The following MCMDC2 variants were observed in gnomAD, a reference collection of about 807,000 sequenced individuals.
The protein encoded by MCMDC2 is minichromosome maintenance domain containing 2.
In MCMDC2, 54 loss-of-function variants were observed where a neutral mutation model predicts 75.8. That is an observed-to-expected ratio of 0.71 (90% CI 0.57 to 0.89). The LOEUF (loss-of-function observed/expected upper bound fraction) is 0.89, where lower values mean the gene tolerates loss of function less well. MCMDC2 is among the 40% of genes least tolerant of loss of function. MCMDC2 has a pLI of 0.00. For synonymous variants in MCMDC2, 249 were observed against 274.6 expected, an observed-to-expected ratio of 0.91 and a Z score of 0.92; for missense variants, 656 against 780.4, an observed-to-expected ratio of 0.84 and a Z score of 1.90.
In MCMDC2 at chr8:66,897,060, T is replaced by C. The variant is rs754584066; in HGVS notation, c.1626+101T>C. ...CTGGATTTTCTTTATTTAGGATTCT[T>C]TTATTCCATCTTGGTTCCAGCTTTT... On this transcript the variant is annotated intron_variant, in intron 12 of 14. Coordinates refer to ENST00000422365, the MANE Select transcript of MCMDC2 (RefSeq NM_173518.5). The C allele has an allele frequency of 1.6e-3, 1,773 of 1,113,332 alleles. 2 individuals carry two copies. The highest frequency in any genetic ancestry group is 1.7e-3 in the Non-Finnish European group (1,319 of 788,046). The allele number at this position is 1,113,332 out of a possible 1,614,324, so 69.0% of individuals were successfully genotyped here. A position where few individuals can be genotyped will look rare whatever the true frequency, so the allele number is the denominator to read the frequency against.
At chr8:66,922,953 G>GTA (rs1813609735), downstream of MCMDC2, among the ~76,000 whole-genome samples, 1 of 152,116 alleles carries the variant, frequency 6.6e-6, no homozygotes, top group East Asian at 1.9e-4. Flanking sequence ...CTGTAACTGA[G>GTA]TATGTTTGTC....
At chr8:66,925,450 G>C (rs987861190), downstream of MCMDC2, 1 of 152,884 alleles carries the variant, frequency 6.5e-6, no homozygotes, top group African/African-American at 2.4e-5. Flanking sequence ...GCAGAGCCCA[G>C]CTACGGGCCC....
downstream of MCMDC2, among the ~76,000 whole-genome samples, chr8:66,923,557 T>C (rs1239066306): frequency 2.0e-5 from 3 of 152,182 alleles, no homozygotes; most frequent in Non-Finnish European, 4.4e-5. Flanking sequence ...ATATTATGAT[T>C]CACAGGAACT....
Position 66,890,978 on chromosome 8 carries a change from A to C in MCMDC2, c.1187A>C (p.Gln396Pro). The C allele has an allele frequency of 6.2e-7, 1 of 1,610,974 alleles. No individual in the cohort carries two copies. Among genetic ancestry groups the C allele is most frequent in the Non-Finnish European group, 8.5e-7 (1 of 1,179,374 alleles). The change falls in exon 10 of 15, where the codon CAG (glutamine) becomes CCG (proline). Residue 396 changes from glutamine to proline, a missense_variant. Transcript: ENST00000422365. ...TATGGAACTGGAGCAGTTAGCATTC[A>C]GGCTGGCAGTGCTTTGCTAGCTAAA... is the stretch of plus-strand genomic sequence containing the variant. ...NKYGTGAVSI[Q>P]AGSALLAKGG... is the part of the protein sequence containing the mutation.
chr8:66,881,083 G>C, intron 8 of MCMDC2, 109 bp downstream of exon 8: 1 of 877,950 alleles, frequency 1.1e-6, no homozygotes, highest in Non-Finnish European at 1.5e-6. Flanking sequence ...TAAGCACTAA[G>C]AATACAGTTG....
At position 66,874,551 on chromosome 8, in the gene MCMDC2, C is replaced by T; in HGVS notation, c.250C>T (p.Leu84Phe). Residue 84 changes from leucine (L) to phenylalanine (F), a missense_variant, in exon 4 of 15, where the codon CTC becomes TTC. Coordinates refer to ENST00000422365, the MANE Select transcript of MCMDC2 (RefSeq NM_173518.5). ...QSVCFIAVKT[L>F]SLIGQLQTET... ...GGTCTGTTTTATTGCTGTTAAGACT[C>T]TCTCATTAATTGGACAATTGCAGAC... is the stretch of plus-strand genomic sequence containing the variant. 1.2e-6 allele frequency: 2 copies of T among 1,613,238 alleles called. No homozygotes were observed. Among genetic ancestry groups the T allele is most frequent in the African/African-American group, 1.3e-5 (1 of 74,982 alleles).
In MCMDC2 at chr8:66,906,016, AAAAG is replaced by A. The variant is rs766077339; in HGVS notation, c.1879+693_1879+696del. On this transcript the variant is annotated intron_variant, in intron 14 of 14. Coordinates refer to ENST00000422365, the MANE Select transcript of MCMDC2 (RefSeq NM_173518.5). ...TGAGACTCCATCTCAAAAAAAAAAA[AAAAG>A]AAAGAAAGAAAAGAAAATCTGATTA... 5.9e-5 allele frequency among the ~76,000 whole-genome samples: 9 copies of A among 152,100 alleles called. No homozygotes were observed. The East Asian group carries it at 7.7e-4, about 13-fold the overall frequency.
Position 66,919,201 on chromosome 8 carries a change from T to G in MCMDC2, c.*32T>G. The stretch of plus-strand genomic sequence containing the variant: ...TGAGGAATTTTTGTTCATTCCTACT[T>G]AAGCAGTGGAGAAAAAGTGTGACTA... On this transcript the variant is annotated 3_prime_UTR_variant, in exon 15 of 15. Coordinates refer to ENST00000422365, the MANE Select transcript of MCMDC2 (RefSeq NM_173518.5). 6.6e-7 allele frequency: 1 copy of G among 1,509,638 alleles called. No homozygotes were observed. Among genetic ancestry groups the G allele is most frequent in the Non-Finnish European group, 8.9e-7 (1 of 1,122,694 alleles). 93.5% of individuals were successfully genotyped at this position (1,509,638 alleles called of 1,614,324 possible).
intron 14 of MCMDC2, 28 bp from the exon 15 acceptor site, chr8:66,918,975 T>C: frequency 7.0e-7 from 1 of 1,431,390 alleles, no homozygotes; most frequent in Non-Finnish European, 9.2e-7. Flanking sequence ...GTATTTGTCA[T>C]TTACACTCTA....
intron 14 of MCMDC2, among the ~76,000 whole-genome samples, chr8:66,905,562 T>G (rs1055013865): frequency 1.3e-5 from 2 of 152,218 alleles, no homozygotes; most frequent in Non-Finnish European, 2.9e-5. Flanking sequence ...TTTTCATATT[T>G]GAACATTTGC....
intron 10 of MCMDC2, among the ~76,000 whole-genome samples, chr8:66,892,250 C>T (rs1293077575): frequency 6.6e-6 from 1 of 152,226 alleles, no homozygotes; most frequent in African/African-American, 2.4e-5. Context: ...TTGCTCTTCA[C>T]TCCTGCAGTC....
chr8:66,914,221 T>C (rs1199541574), intron 14 of MCMDC2, among the ~76,000 whole-genome samples: 1 of 143,652 alleles, frequency 7.0e-6, no homozygotes, highest in Non-Finnish European at 1.5e-5. Flanking sequence ...AGGTCAAGGC[T>C]GCAATGAGCC....
Position 66,879,849 on chromosome 8 carries a change from G to A in MCMDC2, c.709+930G>A, listed in dbSNP as rs568452645. Reference sequence around the variant, plus strand: ...GGATCTCCTATTATTCTGTGTGTGTGTCTTACATAAATATTGGAGTTATTG... The same window carrying A: ...GGATCTCCTATTATTCTGTGTGTGTATCTTACATAAATATTGGAGTTATTG... On this transcript the variant is annotated intron_variant, in intron 7 of 14. Transcript: ENST00000422365. 1.9e-4 allele frequency among the ~76,000 whole-genome samples: 29 copies of A among 152,218 alleles called. 1 individual carries two copies. The South Asian group carries it at 5.8e-3, about 30-fold the overall frequency.
At chr8:66,904,193 T>C (rs1272576564) in intron 13 of MCMDC2, among the ~76,000 whole-genome samples, 2 of 152,178 alleles carry the variant, frequency 1.3e-5, no homozygotes, top group South Asian at 4.1e-4. Context: ...GCTGTCGTAC[T>C]GCACTGAAAA....
intron 13 of MCMDC2, 133 bp from the exon 14 acceptor site, chr8:66,905,093 A>G (rs940082289): frequency 1.5e-6 from 1 of 658,932 alleles, no homozygotes; most frequent in Non-Finnish European, 2.1e-6. Flanking sequence ...AAAAGAAACT[A>G]AAAATTTTTT....
intron 13 of MCMDC2, among the ~76,000 whole-genome samples, chr8:66,902,711 A>AAT (rs1231949044): frequency 0.048 from 3,230 of 67,608 alleles, 135 homozygotes; most frequent in Non-Finnish European, 0.055. Context: ...AAAAAAAAAA[A>AAT]ATATATATAT....
At chr8:66,923,548 T>C (rs989756946), downstream of MCMDC2, among the ~76,000 whole-genome samples, 17 of 152,190 alleles carry the variant, frequency 1.1e-4, no homozygotes, top group Admixed American at 3.9e-4. Context: ...TTCAGTTTAA[T>C]ATTATGATTC....
intron 13 of MCMDC2, 111 bp downstream of exon 13, chr8:66,901,459 T>C: frequency 2.0e-6 from 3 of 1,476,374 alleles, no homozygotes; most frequent in Non-Finnish European, 2.7e-6. Flanking sequence ...TGCTAGTTGG[T>C]TGGTTTGTAA....
intron 9 of MCMDC2, among the ~76,000 whole-genome samples, chr8:66,886,220 A>G (rs993664265): frequency 1.3e-5 from 2 of 148,724 alleles, no homozygotes; most frequent in African/African-American, 5.0e-5. Context: ...GCTGGAGTGC[A>G]ATGGCACCAT....
Sources: allele counts gnomAD v4.1 joint callset (sites outside exome capture counted in the v4.1 genomes callset), GRCh38; gene constraint gnomAD v4.1.1; transcripts MANE v1.5; gene names NCBI Gene and HGNC (gene_info 2026-07-23, HGNC 2026-07-21).